Variants in PCDHGB7 observed in about 807,000 individuals in gnomAD.
The protein encoded by PCDHGB7 is protocadherin gamma subfamily B, 7.
PCDHGB7 carries 37 observed loss-of-function variants against 61.4 expected under a neutral mutation model. The observed-to-expected ratio is 0.60, with a 90% CI of 0.46 to 0.79. The LOEUF (loss-of-function observed/expected upper bound fraction) is 0.79, where lower values mean the gene tolerates loss of function less well. PCDHGB7 is among the 30% of genes least tolerant of loss of function. The pLI is 0.00. For missense variants in PCDHGB7, 1,166 were observed against 1,202.5 expected, an observed-to-expected ratio of 0.97 and a Z score of 0.45; for synonymous variants, 464 against 503.5, an observed-to-expected ratio of 0.92 and a Z score of 1.05.
chr5:141,438,621 TATATATATATATATACACACAC>T (rs2098027070), intron 1 of PCDHGB7, among the ~76,000 whole-genome samples: 1 of 41,368 alleles, frequency 2.4e-5, no homozygotes, highest in Non-Finnish European at 4.0e-5. Flanking sequence ...TATATATATA[TATATATATATATATACACACAC>T]ACACACACAT....
chr5:141,433,110 G>C (rs1031253372), intron 1 of PCDHGB7: 1 of 1,614,098 alleles, frequency 6.2e-7, no homozygotes, highest in Middle Eastern at 1.7e-4. Context: ...AGCCAGGAGA[G>C]CTTTGAAAAA....
intron 1 of PCDHGB7, chr5:141,433,291 T>C: frequency 9.1e-7 from 1 of 1,094,048 alleles, no homozygotes; most frequent in Non-Finnish European, 1.3e-6. Context: ...ACTCCTAGGC[T>C]CAAGCAATTA....
At chr5:141,482,089 CAA>C (rs36035257) in intron 1 of PCDHGB7, among the ~76,000 whole-genome samples, 9,071 of 134,384 alleles carry the variant, frequency 0.068, 318 homozygotes, top group South Asian at 0.13. Context: ...CACTCCATCT[CAA>C]AAAAAAAAAA....
rs371619613 is a variant in PCDHGB7 at position 141,444,258 on chromosome 5, G to A, written c.2415+23984G>A. The stretch of plus-strand genomic sequence containing the variant: ...ATGCTCTCGGCTCACTGCAACCTCC[G>A]CCTCCCAGGTTCAAGTGATTCTCCT... On this transcript the variant is annotated intron_variant, in intron 1 of 3. Coordinates refer to ENST00000398594, the MANE Select transcript of PCDHGB7 (RefSeq NM_018927.4). 1.3e-4 allele frequency among the ~76,000 whole-genome samples: 16 copies of A among 127,752 alleles called. No homozygotes were observed. The South Asian group carries it at 2.7e-3, about 21-fold the overall frequency. The allele number at this position is 127,752 out of a possible 152,430, so 83.8% of individuals were successfully genotyped here.
At chr5:141,456,224 A>ACT (rs1167290500) in intron 1 of PCDHGB7, among the ~76,000 whole-genome samples, 1 of 152,034 alleles carries the variant, frequency 6.6e-6, no homozygotes, top group Non-Finnish European at 1.5e-5. Context: ...GCGATATCAA[A>ACT]CTAACTGCTG....
chr5:141,471,394 G>A (rs1349459242), intron 1 of PCDHGB7: 1 of 152,056 alleles, frequency 6.6e-6, no homozygotes, highest in Non-Finnish European at 1.5e-5. Context: ...TACAAGTTAC[G>A]TAGCTAGGCT....
intron 1 of PCDHGB7, chr5:141,422,903 A>G (rs1444530801): frequency 1.9e-6 from 3 of 1,614,036 alleles, no homozygotes; most frequent in African/African-American, 2.7e-5. Context: ...CAGAACGACA[A>G]TGCGCCCGAG....
At chr5:141,421,843 G>C (rs769652818) in intron 1 of PCDHGB7, 1 of 1,613,798 alleles carries the variant, frequency 6.2e-7, no homozygotes, top group Non-Finnish European at 8.5e-7. Context: ...CCGAGAGAAA[G>C]AGGCTGCTCA....
At chr5:141,420,412 T>G in intron 1 of PCDHGB7, 138 bp downstream of exon 1, 1 of 1,225,004 alleles carries the variant, frequency 8.2e-7, no homozygotes, top group African/African-American at 1.6e-5. Flanking sequence ...TGGTTATCAT[T>G]ATTAAAACAA....
intron 1 of PCDHGB7, chr5:141,442,421 T>G (rs1288481455): frequency 1.3e-5 from 2 of 152,290 alleles, no homozygotes; most frequent in East Asian, 3.9e-4. Flanking sequence ...TGAACTTCTT[T>G]TTTGAATCCC....
chr5:141,419,321 T>G lies in PCDHGB7; in HGVS notation c.1462T>G (p.Ser488Ala). 1 of 1,613,950 alleles carries G rather than the reference T, an allele frequency of 6.2e-7. No homozygotes were observed. Among genetic ancestry groups the G allele is most frequent in the Non-Finnish European group, 8.5e-7 (1 of 1,179,900 alleles). The part of the protein sequence containing the change: ...DPDFGLNGRV[S>A]YSLIASDLES... ...AGACTTCGGGCTCAACGGCCGTGTC[T>G]CCTACTCTCTCATTGCCAGCGACCT... is the stretch of plus-strand genomic sequence containing the variant. The change falls in exon 1 of 4, where the codon TCC becomes GCC. Residue 488 changes from serine (S) to alanine (A), a missense_variant. By Grantham distance (99) the Ser-to-Ala change is moderately conservative. Coordinates refer to ENST00000398594, the MANE Select transcript of PCDHGB7 (RefSeq NM_018927.4).
At chr5:141,443,713 A>G (rs774603084) in intron 1 of PCDHGB7, among the ~76,000 whole-genome samples, 19 of 152,246 alleles carry the variant, frequency 1.2e-4, no homozygotes, top group Admixed American at 8.5e-4. Flanking sequence ...ACATTTGCAT[A>G]TAAAATTCCT....
chr5:141,472,994 AAAAG>A (rs1425445230), intron 1 of PCDHGB7, among the ~76,000 whole-genome samples: 7 of 151,692 alleles, frequency 4.6e-5, no homozygotes, highest in African/African-American at 1.7e-4. Context: ...AAAAAAAAAA[AAAAG>A]AAAGAAAAAG....
intron 2 of PCDHGB7, among the ~76,000 whole-genome samples, chr5:141,497,006 T>C (rs947830895): frequency 1.3e-5 from 2 of 151,678 alleles, no homozygotes; most frequent in South Asian, 2.1e-4. Context: ...GCAGCCAACA[T>C]GGTGAAACCC....
intron 3 of PCDHGB7, 118 bp downstream of exon 3, chr5:141,505,599 G>A (rs936757644): frequency 1.5e-5 from 23 of 1,555,468 alleles, no homozygotes; most frequent in South Asian, 2.4e-5. Flanking sequence ...CAGATCTTTC[G>A]GCAGGTCTGA....
intron 2 of PCDHGB7, among the ~76,000 whole-genome samples, chr5:141,498,618 G>A (rs191513899): frequency 1.3e-5 from 2 of 152,220 alleles, no homozygotes; most frequent in East Asian, 3.9e-4. Context: ...TCAGCACTGG[G>A]TCACACTGCC....
At chr5:141,430,834 G>T (rs1317415848) in intron 1 of PCDHGB7, 1 of 1,557,712 alleles carries the variant, frequency 6.4e-7, no homozygotes, top group Non-Finnish European at 8.7e-7. Context: ...CTCTGTGGGA[G>T]ACCGGATGCA....
chr5:141,453,323 G>A (rs1313870724), intron 1 of PCDHGB7, among the ~76,000 whole-genome samples: 1 of 151,482 alleles, frequency 6.6e-6, no homozygotes, highest in Non-Finnish European at 1.5e-5. Context: ...TTTAGAGATG[G>A]GGTCTCACTA....
intron 1 of PCDHGB7, among the ~76,000 whole-genome samples, chr5:141,448,521 GCATCCTGTCAGCATTTC>G (rs1378426350): frequency 1.3e-5 from 2 of 151,994 alleles, no homozygotes; most frequent in Non-Finnish European, 2.9e-5. Flanking sequence ...ACTTTATTAA[GCATCCTGTCAGCATTTC>G]TTATGCAAAT....
Sources: gnomAD v4.1 joint callset for allele counts (sites outside exome capture counted in the v4.1 genomes callset) on GRCh38, gnomAD v4.1.1 for gene constraint, MANE v1.5 for transcripts, NCBI Gene and HGNC (gene_info 2026-07-23, HGNC 2026-07-21) for gene names.